The following PDE10A variants were observed in gnomAD, a reference collection of about 807,000 sequenced individuals.
PDE10A encodes cAMP and cAMP-inhibited cGMP 3',5'-cyclic phosphodiesterase 10A.
PDE10A carries 39 observed loss-of-function variants against 97.7 expected under a neutral mutation model. The observed-to-expected ratio is 0.40, with a 90% confidence interval of 0.31 to 0.52. PDE10A has a LOEUF of 0.52. PDE10A is among the 20% of genes least tolerant of loss of function. PDE10A has a pLI of 0.56. For missense variants in PDE10A, 731 were observed against 1,047.8 expected (o/e 0.70, Z 4.17); for synonymous variants, 371 against 376.8 (o/e 0.98, Z 0.18).
At chr6:165,792,117 T>C (rs1363646776) in intron 1 of PDE10A, among the ~76,000 whole-genome samples, 1 of 152,168 alleles carries the variant, frequency 6.6e-6, no homozygotes, top group African/African-American at 2.4e-5. Context: ...CCCTCAGTCA[T>C]GCACCCGCAT....
In PDE10A at chr6:165,644,845, C is replaced by A. The variant is rs1024722108; in HGVS notation, c.865+17102G>T. The stretch of plus-strand genomic sequence containing the variant: ...TGCCACTGCAGCTCAGAAGCATGGA[C>A]GGTCATGAGCAAGGCCAGGGCAAGC... On this transcript the variant is annotated intron_variant, in intron 1 of 21. Coordinates refer to ENST00000539869, the MANE Select transcript of PDE10A (RefSeq NM_001385079.1). Among the ~76,000 whole-genome samples, 3 of 152,140 alleles carry A rather than the reference C, an allele frequency of 2.0e-5. No homozygotes were observed. In the East Asian group the frequency reaches 5.8e-4, roughly 29 times the overall value.
At chr6:165,502,020 A>G (rs1043029079) in intron 2 of PDE10A, among the ~76,000 whole-genome samples, 2 of 152,238 alleles carry the variant, frequency 1.3e-5, no homozygotes, top group African/African-American at 2.4e-5. Flanking sequence ...CAAAGATACC[A>G]AAGTGATTCA....
rs115576887 is a variant in PDE10A at position 165,519,742 on chromosome 6, A to G, written c.994+23698T>C. Among the ~76,000 whole-genome samples the G allele has an allele frequency of 7.7e-3, 1,178 of 152,292 alleles. 13 individuals are homozygous for G. Among genetic ancestry groups the G allele is most frequent in the African/African-American group, 0.027 (1,143 of 41,568 alleles). The stretch of plus-strand genomic sequence containing the variant: ...ATTTCTGAAAACTCCTGAGGTGCCT[A>G]TGATAACACGTGTGACTGTTGTTTA... On this transcript the variant is annotated intron_variant, in intron 2 of 21. Transcript: ENST00000539869.
chr6:165,869,479 T>A (rs1781141434), intron 1 of PDE10A, among the ~76,000 whole-genome samples: 1 of 152,074 alleles, frequency 6.6e-6, no homozygotes, highest in Non-Finnish European at 1.5e-5. Context: ...ATCCAATGCT[T>A]ATGAATTGAA....
At chr6:165,538,984 T>C (rs1429728305) in intron 2 of PDE10A, among the ~76,000 whole-genome samples, 2 of 152,230 alleles carry the variant, frequency 1.3e-5, no homozygotes, top group African/African-American at 2.4e-5. Flanking sequence ...TTTATTTTCC[T>C]ACATTTTTTC....
intron 1 of PDE10A, among the ~76,000 whole-genome samples, chr6:165,735,788 G>A (rs984491828): frequency 7.2e-5 from 11 of 152,190 alleles, no homozygotes; most frequent in African/African-American, 2.7e-4. Context: ...ACAGAAACAT[G>A]CAGACTTATG....
At chr6:165,919,294 T>A (rs1782689486) in intron 1 of PDE10A, among the ~76,000 whole-genome samples, 1 of 152,138 alleles carries the variant, frequency 6.6e-6, no homozygotes, top group South Asian at 2.1e-4. Flanking sequence ...CTGTGTGACC[T>A]CACTGGGCCC....
At chr6:165,614,711 T>C (rs575875479) in intron 1 of PDE10A, among the ~76,000 whole-genome samples, 10 of 152,162 alleles carry the variant, frequency 6.6e-5, no homozygotes, top group Admixed American at 4.6e-4. Flanking sequence ...TCTTGGCACA[T>C]AGACACTCAG....
chr6:165,670,573 A>C (rs763843004), intron 1 of PDE10A, among the ~76,000 whole-genome samples: 18 of 152,208 alleles, frequency 1.2e-4, no homozygotes, highest in Non-Finnish European at 2.4e-4. Context: ...AACTAAAACC[A>C]AGCTAAAAAT....
intron 1 of PDE10A, among the ~76,000 whole-genome samples, chr6:165,721,805 A>G (rs555494143): frequency 1.3e-5 from 2 of 152,338 alleles, no homozygotes; most frequent in East Asian, 3.9e-4. Flanking sequence ...GATGTTTTAA[A>G]TGACATAAAA....
intron 1 of PDE10A, among the ~76,000 whole-genome samples, chr6:165,585,203 T>C (rs549873625): frequency 2.6e-4 from 39 of 152,320 alleles, no homozygotes; most frequent in African/African-American, 9.4e-4. Flanking sequence ...GTAAGTAAGA[T>C]AGCTGCATCA....
At chr6:165,701,873 A>G (rs777587795) in intron 1 of PDE10A, among the ~76,000 whole-genome samples, 9 of 151,998 alleles carry the variant, frequency 5.9e-5, no homozygotes, top group Admixed American at 6.6e-5. Context: ...TAGACTTGAG[A>G]TGAGTCTTGA....
chr6:165,954,102 G>T (rs756615542), intron 1 of PDE10A, among the ~76,000 whole-genome samples: 5 of 152,168 alleles, frequency 3.3e-5, no homozygotes, highest in African/African-American at 4.8e-5. Flanking sequence ...TGTAATGCTG[G>T]ATAATATTCC....
chr6:165,678,121 GTT>G (rs1583766942), intron 1 of PDE10A, among the ~76,000 whole-genome samples: 1 of 148,944 alleles, frequency 6.7e-6, no homozygotes, highest in East Asian at 2.0e-4. Context: ...GTGTGGGTGT[GTT>G]TGTGTTTGTG....
intron 18 of PDE10A, among the ~76,000 whole-genome samples, chr6:165,372,940 C>G (rs1196806705): frequency 6.6e-6 from 1 of 150,818 alleles, no homozygotes; most frequent in Non-Finnish European, 1.5e-5. Context: ...CTACAACCAT[C>G]TGATCTTTGA....
chr6:165,411,066 A>G (rs220756), intron 13 of PDE10A, among the ~76,000 whole-genome samples: 3,440 of 86,978 alleles, frequency 0.04, 232 homozygotes, highest in African/African-American at 0.12. Flanking sequence ...CAGCCTGGGC[A>G]ACAGAGCGAG....
intron 18 of PDE10A, among the ~76,000 whole-genome samples, chr6:165,348,428 A>T (rs1225889488): frequency 6.6e-6 from 1 of 152,208 alleles, no homozygotes; most frequent in Non-Finnish European, 1.5e-5. Flanking sequence ...TTTAGCCATA[A>T]TGGGACCATG....
intron 13 of PDE10A, among the ~76,000 whole-genome samples, chr6:165,402,132 T>C (rs1786714552): frequency 6.6e-6 from 1 of 152,210 alleles, no homozygotes; most frequent in Non-Finnish European, 1.5e-5. Flanking sequence ...CATTACTTCA[T>C]GTCTCACAAA....
intron 3 of PDE10A, among the ~76,000 whole-genome samples, chr6:165,450,655 G>A (rs74887030): frequency 1.0e-3 from 153 of 151,872 alleles, no homozygotes; most frequent in African/African-American, 3.5e-3. Context: ...CCACCTCCTG[G>A]GCCCATCCTC....
Sources: allele counts gnomAD v4.1 joint callset (sites outside exome capture counted in the v4.1 genomes callset), GRCh38; gene constraint gnomAD v4.1.1; transcripts MANE v1.5; gene names NCBI Gene and HGNC (gene_info 2026-07-23, HGNC 2026-07-21).